Variants in ROBO1 observed in about 807,000 individuals in gnomAD.
The protein encoded by ROBO1 is roundabout homolog 1.
In ROBO1, 149 loss-of-function variants were observed where a neutral mutation model predicts 195.9. The observed-to-expected ratio is 0.76, with a 90% confidence interval of 0.67 to 0.87. ROBO1 has a LOEUF of 0.87. Among genes scored for constraint, ROBO1 ranks in the 40% least tolerant of loss-of-function variants. The probability of loss-of-function intolerance (pLI) is 0.00; values close to 1 mark genes in which losing one functional copy is unlikely to be tolerated. For missense variants in ROBO1, 1,933 were observed against 2,068.3 expected, an observed-to-expected ratio of 0.93 and a Z score of 1.27; for synonymous variants, 816 against 733.2, an observed-to-expected ratio of 1.11 and a Z score of -1.82.
intron 2 of ROBO1, among the ~76,000 whole-genome samples, chr3:79,561,466 A>G (rs2107711537): frequency 6.6e-6 from 1 of 152,324 alleles, no homozygotes; most frequent in Admixed American, 6.5e-5. Flanking sequence ...AGAGCTTTCA[A>G]CAAGGTGCCG....
At chr3:79,005,927 G>T (rs1213590352) in intron 3 of ROBO1, among the ~76,000 whole-genome samples, 1 of 152,066 alleles carries the variant, frequency 6.6e-6, no homozygotes, top group Non-Finnish European at 1.5e-5. Flanking sequence ...ACTTGCAGAA[G>T]GTAGGGACTT....
chr3:78,600,366 A>G (rs1559629625), intron 29 of ROBO1, 57 bp from the exon 30 acceptor site: 2 of 1,084,662 alleles, frequency 1.8e-6, no homozygotes, highest in Non-Finnish European at 2.8e-6. Flanking sequence ...TTCACTGTAT[A>G]TTGTATCACT....
At chr3:79,717,717 G>A (rs1027171745) in intron 1 of ROBO1, among the ~76,000 whole-genome samples, 6 of 151,910 alleles carry the variant, frequency 3.9e-5, no homozygotes, top group African/African-American at 1.4e-4. Context: ...TTAGAAGTGT[G>A]TGTTTCAATT....
intron 2 of ROBO1, among the ~76,000 whole-genome samples, chr3:79,283,776 C>A (rs1303070710): frequency 6.6e-6 from 1 of 151,086 alleles, no homozygotes; most frequent in Non-Finnish European, 1.5e-5. Context: ...CCGCTCACTG[C>A]AAGCTCCGCC....
chr3:79,360,403 GA>G (rs1256629410), intron 2 of ROBO1, among the ~76,000 whole-genome samples: 1 of 151,670 alleles, frequency 6.6e-6, no homozygotes, highest in Non-Finnish European at 1.5e-5. Context: ...TATTTATGAA[GA>G]ATTTTTTTGT....
intron 29 of ROBO1, among the ~76,000 whole-genome samples, chr3:78,602,393 G>A (rs754992752): frequency 1.2e-4 from 19 of 152,202 alleles, no homozygotes; most frequent in African/African-American, 2.2e-4. Flanking sequence ...GAAGCCAAGC[G>A]GATGTCAACA....
chr3:79,489,661 A>C (rs1939351537), intron 2 of ROBO1, among the ~76,000 whole-genome samples: 1 of 151,970 alleles, frequency 6.6e-6, no homozygotes, highest in Non-Finnish European at 1.5e-5. Context: ...CAAAAAAAAA[A>C]AAAAAAAAGA....
At chr3:79,368,978 A>G (rs1375027308) in intron 2 of ROBO1, among the ~76,000 whole-genome samples, 1 of 152,222 alleles carries the variant, frequency 6.6e-6, no homozygotes, top group Non-Finnish European at 1.5e-5. Flanking sequence ...ATAAATGTTT[A>G]AGGTATGCAC....
chr3:78,996,211 C>A (rs556623268), intron 3 of ROBO1, among the ~76,000 whole-genome samples: 36 of 151,934 alleles, frequency 2.4e-4, no homozygotes, highest in Admixed American at 7.2e-4. Context: ...CCAAGCCAGG[C>A]ACGGTGGCTC....
chr3:79,657,330 A>T (rs1946197067), intron 1 of ROBO1, among the ~76,000 whole-genome samples: 1 of 152,124 alleles, frequency 6.6e-6, no homozygotes, highest in Non-Finnish European at 1.5e-5. Context: ...GGAAATACTT[A>T]AGTCTCCAAC....
chr3:79,653,311 A>C (rs539177330), intron 1 of ROBO1, among the ~76,000 whole-genome samples: 1 of 151,970 alleles, frequency 6.6e-6, no homozygotes, highest in Non-Finnish European at 1.5e-5. Context: ...TCTTGAAAGA[A>C]ACCCATTATT....
In ROBO1 at chr3:79,763,637, A is replaced by G. The variant is rs534758538; in HGVS notation, c.-51+4115T>C. Among the ~76,000 whole-genome samples, 58 of 152,286 alleles carry G rather than the reference A, an allele frequency of 3.8e-4. No individual in the cohort carries two copies. The South Asian group carries it at 0.011, about 29-fold the overall frequency. ...GATCCTTAGCAGGCATCCTGGCTAC[A>G]TATGCACAAATTTCAAAGAAAATGG... On this transcript the variant is annotated intron_variant, in intron 1 of 30. Transcript: ENST00000464233.
At chr3:78,682,515 G>C (rs554094220) in intron 10 of ROBO1, among the ~76,000 whole-genome samples, 1 of 146,048 alleles carries the variant, frequency 6.8e-6, no homozygotes, top group Non-Finnish European at 1.5e-5. Flanking sequence ...ATATATGACT[G>C]TGTATATATG....
intron 4 of ROBO1, among the ~76,000 whole-genome samples, chr3:78,902,805 T>C (rs897137454): frequency 3.3e-5 from 5 of 152,098 alleles, no homozygotes; most frequent in Non-Finnish European, 7.3e-5. Context: ...GATCGTGCCA[T>C]TGCACTTTAG....
intron 3 of ROBO1, among the ~76,000 whole-genome samples, chr3:78,946,441 G>T (rs574844671): frequency 6.6e-6 from 1 of 152,142 alleles, no homozygotes; most frequent in Non-Finnish European, 1.5e-5. Flanking sequence ...AAGTGAAGGA[G>T]TAATAAAATA....
intron 4 of ROBO1, among the ~76,000 whole-genome samples, chr3:78,884,746 G>GGAAAGAAA (rs372004207): frequency 6.8e-6 from 1 of 147,686 alleles, no homozygotes; most frequent in Non-Finnish European, 1.5e-5. Flanking sequence ...AGGAAAGAAA[G>GGAAAGAAA]GAAAGAAAGA....
At chr3:78,925,746 T>C (rs1036533567) in intron 4 of ROBO1, among the ~76,000 whole-genome samples, 4 of 152,156 alleles carry the variant, frequency 2.6e-5, no homozygotes, top group Non-Finnish European at 2.9e-5. Context: ...AGTGACATAC[T>C]ATGATAAAGG....
chr3:79,049,374 G>T (rs2078653791), intron 3 of ROBO1, among the ~76,000 whole-genome samples: 1 of 152,062 alleles, frequency 6.6e-6, no homozygotes, highest in Non-Finnish European at 1.5e-5. Context: ...AACTAACAAA[G>T]CCTCAGAGAA....
intron 4 of ROBO1, among the ~76,000 whole-genome samples, chr3:78,773,046 CACTT>C (rs1011750692): frequency 6.6e-6 from 1 of 152,040 alleles, no homozygotes; most frequent in African/African-American, 2.4e-5. Flanking sequence ...TAATACTTAA[CACTT>C]ACTCACTGAC....
Sources: gnomAD v4.1 joint callset for allele counts (sites outside exome capture counted in the v4.1 genomes callset) on GRCh38, gnomAD v4.1.1 for gene constraint, MANE v1.5 for transcripts, NCBI Gene and HGNC (gene_info 2026-07-23, HGNC 2026-07-21) for gene names.